TRIO: variants seen among roughly 807,000 people sequenced by gnomAD.
TRIO encodes the protein trio Rho guanine nucleotide exchange factor.
A neutral mutation model predicts 351.9 loss-of-function variants in TRIO; 58 were observed. The observed-to-expected ratio is 0.16, with a 90% CI of 0.13 to 0.21. The LOEUF (loss-of-function observed/expected upper bound fraction) is 0.21, where lower values mean the gene tolerates loss of function less well. Ranked by LOEUF, TRIO falls within the 10% of genes least tolerant of loss-of-function variation. The pLI is 1.00. For missense variants in TRIO, 3,201 were observed against 4,027.8 expected (o/e 0.79, Z 5.56); for synonymous variants, 1,758 against 1,595.7 (o/e 1.10, Z -2.42).
At chr5:14,317,134 A>G (rs1362993047) in intron 9 of TRIO, among the ~76,000 whole-genome samples, 2 of 152,330 alleles carry the variant, frequency 1.3e-5, no homozygotes, top group East Asian at 1.9e-4. Context: ...CCCACGTGGT[A>G]GGTAGTGCAG....
In TRIO at chr5:14,508,225, G is replaced by A. The variant is rs769087158; in HGVS notation, c.9097G>A (p.Glu3033Lys). Reference protein sequence around the residue: ...AKEFVCFLLQEDPAKRPSAAL... With the variant: ...AKEFVCFLLQKDPAKRPSAAL... ...GGAGTTCGTGTGCTTCCTCCTGCAGGAGGACCCCGCCAAGCGTCCCTCGGC... is the reference window on the plus strand; with the variant it reads ...GGAGTTCGTGTGCTTCCTCCTGCAGAAGGACCCCGCCAAGCGTCCCTCGGC... The change falls in exon 57 of 57, where the codon GAG becomes AAG. Residue 3033 changes from glutamate (E) to lysine (K), a missense_variant. Transcript: ENST00000344204. 2 of 1,614,100 alleles carry A rather than the reference G, an allele frequency of 1.2e-6. No homozygotes were observed. The highest frequency in any genetic ancestry group is 1.1e-5 in the South Asian group (1 of 91,088).
At chr5:14,425,053 A>G (rs1221994211) in intron 34 of TRIO, among the ~76,000 whole-genome samples, 1 of 152,220 alleles carries the variant, frequency 6.6e-6, no homozygotes, top group Non-Finnish European at 1.5e-5. Context: ...ACAGTTTTTA[A>G]AAACTGGTAA....
intron 1 of TRIO, among the ~76,000 whole-genome samples, chr5:14,177,244 T>A (rs1469631632): frequency 2.0e-5 from 3 of 151,798 alleles, no homozygotes; most frequent in Admixed American, 1.3e-4. Context: ...GCCACCACTT[T>A]TAAGTTTTGC....
intron 1 of TRIO, among the ~76,000 whole-genome samples, chr5:14,261,434 C>A (rs962789244): frequency 6.6e-6 from 1 of 152,198 alleles, no homozygotes; most frequent in East Asian, 1.9e-4. Context: ...CTCCAGCCAG[C>A]CTTATGAGGC....
chr5:14,264,160 A>T (rs1795513233), intron 1 of TRIO, among the ~76,000 whole-genome samples: 1 of 152,148 alleles, frequency 6.6e-6, no homozygotes, highest in Non-Finnish European at 1.5e-5. Context: ...TTACATTAAA[A>T]ATATATATAT....
At chr5:14,370,765 C>T (rs936049126) in intron 18 of TRIO, among the ~76,000 whole-genome samples, 1 of 152,190 alleles carries the variant, frequency 6.6e-6, no homozygotes, top group African/African-American at 2.4e-5. Flanking sequence ...CTGCCCCCAA[C>T]ATGTCCCTAC....
At chr5:14,470,070 CA>C (rs1214554123) in intron 37 of TRIO, among the ~76,000 whole-genome samples, 1 of 152,156 alleles carries the variant, frequency 6.6e-6, no homozygotes, top group African/African-American at 2.4e-5. Flanking sequence ...CAGTAAAGCT[CA>C]ATGGCTATTT....
rs1741287862 is a variant in TRIO at position 14,335,234 on chromosome 5, C to G, written c.1855-1302C>G. Reference sequence around the variant, plus strand: ...GGCTTACTTGTGTAATTCCATTCTACTAATGTAACCAGTCTCCCAACTTGG... The same window carrying G: ...GGCTTACTTGTGTAATTCCATTCTAGTAATGTAACCAGTCTCCCAACTTGG... On this transcript the variant is annotated intron_variant, in intron 10 of 56. Transcript: ENST00000344204. Among the ~76,000 whole-genome samples, 5 of 152,166 alleles carry G rather than the reference C, an allele frequency of 3.3e-5. No individual in the cohort carries two copies. In the South Asian group the frequency reaches 8.3e-4, roughly 25 times the overall value.
intron 29 of TRIO, among the ~76,000 whole-genome samples, chr5:14,397,724 T>C (rs537810180): frequency 6.6e-6 from 1 of 152,234 alleles, no homozygotes; most frequent in East Asian, 1.9e-4. Flanking sequence ...GTTTTAATCC[T>C]GCCCCAAATG....
At chr5:14,455,916 C>G (rs987567849) in intron 34 of TRIO, among the ~76,000 whole-genome samples, 1 of 152,258 alleles carries the variant, frequency 6.6e-6, no homozygotes, top group Non-Finnish European at 1.5e-5. Context: ...CTTGGGCAGT[C>G]GATGGGACCG....
At chr5:14,487,373 A>G (rs1756001311) in intron 47 of TRIO, 91 bp from the exon 48 acceptor site, 7 of 1,067,128 alleles carry the variant, frequency 6.6e-6, no homozygotes, top group Non-Finnish European at 8.1e-6. Flanking sequence ...CTGCCCCATG[A>G]CCCATCCCAG....
intron 9 of TRIO, among the ~76,000 whole-genome samples, chr5:14,327,310 G>A (rs890578638): frequency 6.6e-6 from 1 of 152,062 alleles, no homozygotes; most frequent in Non-Finnish European, 1.5e-5. Context: ...GATTACAGGT[G>A]TACACCACCA....
chr5:14,506,174 T>C (rs1009090041), intron 55 of TRIO, among the ~76,000 whole-genome samples: 4 of 152,200 alleles, frequency 2.6e-5, no homozygotes, highest in Non-Finnish European at 4.4e-5. Context: ...AAACTGTGGC[T>C]TGAGTGCTTG....
chr5:14,316,783 T>G (rs1481330255), intron 9 of TRIO, 40 bp downstream of exon 9: 2 of 1,571,172 alleles, frequency 1.3e-6, no homozygotes, highest in East Asian at 4.7e-5. Context: ...GGAAATGGCT[T>G]GTGTTGAGTA....
Position 14,405,975 on chromosome 5 carries a change from G to A in TRIO, c.4844G>A (p.Arg1615Lys). 6.2e-7 allele frequency: 1 copy of A among 1,613,608 alleles called. No individual in the cohort carries two copies. The highest frequency in any genetic ancestry group is 1.1e-5 in the South Asian group (1 of 91,018). Residue 1615 changes from arginine (R) to lysine (K), a missense_variant, in exon 32 of 57, where the codon AGA becomes AAA. Physicochemically the swap from Arg to Lys is conservative, Grantham distance 26. Transcript: ENST00000344204. ...IHIPKTAPAT[R>K]QKGRRDGEDL... Reference sequence around the variant, plus strand: ...ATCCCTAAGACCGCTCCCGCCACAAGACAGAAGGGAAGGAGGTGCGTGTCT... The same window carrying A: ...ATCCCTAAGACCGCTCCCGCCACAAAACAGAAGGGAAGGAGGTGCGTGTCT...
chr5:14,444,052 C>G (rs1223265990), intron 34 of TRIO, among the ~76,000 whole-genome samples: 1 of 150,854 alleles, frequency 6.6e-6, no homozygotes, highest in Non-Finnish European at 1.5e-5. Context: ...GAACTGTGTG[C>G]TTTATAATTC....
At position 14,508,155 on chromosome 5, in the gene TRIO, T is replaced by C. The variant is rs779307777; in HGVS notation, c.9027T>C (p.Phe3009=). The C allele has an allele frequency of 5.6e-5, 91 of 1,614,060 alleles. No individual in the cohort carries two copies. The highest frequency in any genetic ancestry group is 7.1e-5 in the Non-Finnish European group (84 of 1,180,046). Residue 3009 remains phenylalanine, a synonymous_variant, in exon 57 of 57, where the codon TTT becomes TTC. Coordinates refer to ENST00000344204, the MANE Select transcript of TRIO (RefSeq NM_007118.4). ...GCCTGAACATTTGCCGCTTAGACTTTAGCTTCCCAGATGACTACTTTAAAG... is the reference window on the plus strand; with the variant it reads ...GCCTGAACATTTGCCGCTTAGACTTCAGCTTCCCAGATGACTACTTTAAAG... ...ETCLNICRLD[F]SFPDDYFKGV... is the part of the protein sequence containing the mutation.
intron 48 of TRIO, among the ~76,000 whole-genome samples, chr5:14,491,626 G>A (rs1389074457): frequency 6.6e-6 from 1 of 152,188 alleles, no homozygotes; most frequent in Non-Finnish European, 1.5e-5. Flanking sequence ...ACCACTCTGT[G>A]TGTGGCCTGG....
chr5:14,283,048 G>T (rs1232106920), intron 3 of TRIO, among the ~76,000 whole-genome samples: 2 of 152,182 alleles, frequency 1.3e-5, no homozygotes, highest in African/African-American at 4.8e-5. Context: ...GTGTATAGCA[G>T]CAGGAGCGCT....
Sources: gnomAD v4.1 joint callset for allele counts (sites outside exome capture counted in the v4.1 genomes callset) on GRCh38, gnomAD v4.1.1 for gene constraint, MANE v1.5 for transcripts, NCBI Gene and HGNC (gene_info 2026-07-23, HGNC 2026-07-21) for gene names.